UCK2: variants seen among roughly 807,000 people sequenced by gnomAD.
UCK2 encodes uridine-cytidine kinase 2.
Under a neutral mutation model 30.8 loss-of-function variants are expected in UCK2, and 6 were observed. The ratio of observed to expected loss-of-function variants is 0.19; its 90% confidence interval spans 0.11 to 0.38. The LOEUF (loss-of-function observed/expected upper bound fraction) is 0.38, where lower values mean the gene tolerates loss of function less well. Ranked by LOEUF, UCK2 falls within the 10% of genes least tolerant of loss-of-function variation. The pLI, the probability that UCK2 is intolerant of heterozygous loss-of-function variation, is 1.00. For synonymous variants in UCK2, 125 were observed against 133.6 expected, an observed-to-expected ratio of 0.94 and a Z score of 0.45; for missense variants, 210 against 339.8, an observed-to-expected ratio of 0.62 and a Z score of 3.00.
At position 165,861,247 on chromosome 1, in the gene UCK2, C is replaced by T. The variant is rs76230823; in HGVS notation, c.100-28957C>T. Among the ~76,000 whole-genome samples the T allele has an allele frequency of 1.5e-3, 232 of 152,216 alleles. 1 individual carries two copies. In the East Asian group the frequency reaches 0.02, roughly 13 times the overall value. On this transcript the variant is annotated intron_variant, in intron 1 of 6. Transcript: ENST00000367879. The stretch of plus-strand genomic sequence containing the variant: ...GTCCCACCTCTTAACGCTATTGATA[C>T]GTGGATTAAGTTTCAACACAGGCAT...
At chr1:165,839,798 A>G (rs1654280427) in intron 1 of UCK2, among the ~76,000 whole-genome samples, 1 of 152,216 alleles carries the variant, frequency 6.6e-6, no homozygotes, top group African/African-American at 2.4e-5. Flanking sequence ...TGTTAGGGTT[A>G]AACGATAAAA....
chr1:165,891,355 C>T (rs1315610934), intron 3 of UCK2, 33 bp downstream of exon 3: 3 of 1,588,030 alleles, frequency 1.9e-6, no homozygotes, highest in Non-Finnish European at 2.6e-6. Flanking sequence ...GGGATGGCAC[C>T]CACTGCTCCG....
intron 1 of UCK2, among the ~76,000 whole-genome samples, chr1:165,847,763 G>A (rs565790495): frequency 3.3e-4 from 50 of 152,134 alleles, no homozygotes; most frequent in African/African-American, 1.1e-3. Context: ...ACAGGCATAT[G>A]CCACCATTCC....
intron 1 of UCK2, among the ~76,000 whole-genome samples, chr1:165,884,546 G>A (rs921595870): frequency 6.6e-5 from 10 of 152,230 alleles, no homozygotes; most frequent in Non-Finnish European, 1.2e-4. Flanking sequence ...GCTATGTCAG[G>A]TTCTGAGCAC....
At chr1:165,839,338 G>A (rs936835952) in intron 1 of UCK2, among the ~76,000 whole-genome samples, 7 of 152,186 alleles carry the variant, frequency 4.6e-5, no homozygotes, top group African/African-American at 1.2e-4. Flanking sequence ...CAAGCTGAGC[G>A]AGCCCTCCTT....
Position 165,880,564 on chromosome 1 carries a change from G to GT in UCK2, c.100-9640_100-9639insT, listed in dbSNP as rs1655464339. Among the ~76,000 whole-genome samples, 10 of 100,058 alleles carry GT rather than the reference G, an allele frequency of 1.0e-4. No individual in the cohort carries two copies. The East Asian group carries it at 1.6e-3, about 16-fold the overall frequency. 65.6% of individuals were successfully genotyped at this position (100,058 alleles called of 152,430 possible). A position where few individuals can be genotyped will look rare whatever the true frequency, so the allele number is the denominator to read the frequency against. On this transcript the variant is annotated intron_variant, in intron 1 of 6. Coordinates refer to ENST00000367879, the MANE Select transcript of UCK2 (RefSeq NM_012474.5). ...GCCTAGATCCATTCAGTTTTTTTTG[G>GT]GGGTGTGTGTGTGTGTGTGTGTGTG...
At chr1:165,905,715 A>G (rs1199006011) in intron 5 of UCK2, among the ~76,000 whole-genome samples, 1 of 152,130 alleles carries the variant, frequency 6.6e-6, no homozygotes, top group Non-Finnish European at 1.5e-5. Context: ...TCAGCTAAAC[A>G]AGGCACTTCC....
chr1:165,862,693 C>G (rs538388783), intron 1 of UCK2, among the ~76,000 whole-genome samples: 9 of 152,256 alleles, frequency 5.9e-5, no homozygotes, highest in African/African-American at 2.2e-4. Flanking sequence ...CAAGTGAGTT[C>G]TAGTTTCAGC....
At chr1:165,845,459 C>T (rs567220376) in intron 1 of UCK2, among the ~76,000 whole-genome samples, 2 of 152,272 alleles carry the variant, frequency 1.3e-5, no homozygotes, top group African/African-American at 4.8e-5. Context: ...TCTTGGGAAA[C>T]AGACTTTTTT....
chr1:165,863,647 A>G (rs1364478823), intron 1 of UCK2, among the ~76,000 whole-genome samples: 2 of 152,234 alleles, frequency 1.3e-5, no homozygotes, highest in Non-Finnish European at 2.9e-5. Context: ...CTGAGAGATA[A>G]AGGGAGTTGT....
intron 1 of UCK2, 121 bp from the exon 2 acceptor site, chr1:165,890,083 G>C (rs1330788614): frequency 1.8e-6 from 2 of 1,099,084 alleles, no homozygotes; most frequent in Non-Finnish European, 2.7e-6. Context: ...AGCTGCCTTT[G>C]GATTCTTCCT....
At chr1:165,829,496 G>GC (rs931024421) in intron 1 of UCK2, among the ~76,000 whole-genome samples, 1 of 152,194 alleles carries the variant, frequency 6.6e-6, no homozygotes, top group African/African-American at 2.4e-5. Context: ...CAAATTTTAA[G>GC]CTGAAGTCCA....
chr1:165,875,453 G>A (rs1245924532), intron 1 of UCK2, among the ~76,000 whole-genome samples: 1 of 152,166 alleles, frequency 6.6e-6, no homozygotes, highest in Admixed American at 6.5e-5. Context: ...TCCTCACACA[G>A]CAAGGCACAG....
chr1:165,865,776 G>T (rs1435483681), intron 1 of UCK2, among the ~76,000 whole-genome samples: 2 of 152,044 alleles, frequency 1.3e-5, no homozygotes, highest in Non-Finnish European at 2.9e-5. Flanking sequence ...CAGGGTCTGG[G>T]GTAAGCTAAC....
At chr1:165,890,171 C>G in intron 1 of UCK2, 33 bp from the exon 2 acceptor site, 2 of 1,612,244 alleles carry the variant, frequency 1.2e-6, no homozygotes, top group Non-Finnish European at 1.7e-6. Flanking sequence ...TGCCCTTTCT[C>G]TTATTCCTGG....
At position 165,908,076 on chromosome 1, in the gene UCK2, A is replaced by G; in HGVS notation, c.*253A>G. The G allele has an allele frequency of 2.4e-6, 1 of 413,750 alleles. No individual in the cohort carries two copies. Among genetic ancestry groups the G allele is most frequent in the Non-Finnish European group, 4.3e-6 (1 of 232,618 alleles). The allele number at this position is 413,750 out of a possible 1,614,324, so 25.6% of individuals were successfully genotyped here. A position where few individuals can be genotyped will look rare whatever the true frequency, so the allele number is the denominator to read the frequency against. On this transcript the variant is annotated 3_prime_UTR_variant, in exon 7 of 7. Coordinates refer to ENST00000367879, the MANE Select transcript of UCK2 (RefSeq NM_012474.5). ...TGCCTAATTATGAATCCAACGTGTA[A>G]CCAGTTATAAATACATATATATATA...
chr1:165,905,918 C>T lies in UCK2; in HGVS notation c.598-3C>T. On this transcript the variant is annotated splice_polypyrimidine_tract_variant and splice_region_variant and intron_variant, in intron 5 of 6. Coordinates refer to ENST00000367879, the MANE Select transcript of UCK2 (RefSeq NM_012474.5). ...AATGCATATTAACTGTCTTTCTCCA[C>T]AGACAAAGAAGTATGCTGATGTGAT... 1 of 1,613,682 alleles carries T rather than the reference C, an allele frequency of 6.2e-7. No individual in the cohort carries two copies. Among genetic ancestry groups the T allele is most frequent in the Non-Finnish European group, 8.5e-7 (1 of 1,179,614 alleles).
intron 1 of UCK2, among the ~76,000 whole-genome samples, chr1:165,861,922 T>C (rs980184339): frequency 6.6e-6 from 1 of 152,210 alleles, no homozygotes; most frequent in Non-Finnish European, 1.5e-5. Context: ...GCAAATTATG[T>C]TATCATTTTC....
chr1:165,879,644 T>C lies in UCK2; in HGVS notation c.100-10560T>C, dbSNP rs144182334. On this transcript the variant is annotated intron_variant, in intron 1 of 6. Coordinates refer to ENST00000367879, the MANE Select transcript of UCK2 (RefSeq NM_012474.5). ...GATGAACTTACTCCTCCTTATACAG[T>C]AACGTGGTCTATGTGGCTTTGGGAG... Among the ~76,000 whole-genome samples the C allele has an allele frequency of 6.6e-5, 10 of 151,956 alleles. No individual in the cohort carries two copies. In the East Asian group the frequency reaches 1.9e-3, roughly 29 times the overall value.
Sources: allele counts gnomAD v4.1 joint callset (sites outside exome capture counted in the v4.1 genomes callset), GRCh38; gene constraint gnomAD v4.1.1; transcripts MANE v1.5; gene names NCBI Gene and HGNC (gene_info 2026-07-23, HGNC 2026-07-21).